DPP10: variants seen among roughly 807,000 people sequenced by gnomAD.
DPP10 encodes inactive dipeptidyl peptidase 10.
A neutral mutation model predicts 120.9 loss-of-function variants in DPP10; 33 were observed. The observed-to-expected ratio is 0.27, with a 90% CI of 0.21 to 0.37. The LOEUF (loss-of-function observed/expected upper bound fraction) is 0.37, where lower values mean the gene tolerates loss of function less well. DPP10 is among the 10% of genes least tolerant of loss of function. The probability of loss-of-function intolerance (pLI) is 1.00; values close to 1 mark genes in which losing one functional copy is unlikely to be tolerated. For missense variants in DPP10, 816 were observed against 942.8 expected, an observed-to-expected ratio of 0.87 and a Z score of 1.76; for synonymous variants, 337 against 326.1, an observed-to-expected ratio of 1.03 and a Z score of -0.36.
intron 1 of DPP10, among the ~76,000 whole-genome samples, chr2:114,798,833 A>C (rs567410468): frequency 1.9e-4 from 29 of 152,312 alleles, no homozygotes; most frequent in African/African-American, 6.5e-4. Context: ...AAAATAAAAA[A>C]GTTTATATTA....
At chr2:114,777,499 G>C (rs1414392854) in intron 1 of DPP10, among the ~76,000 whole-genome samples, 1 of 151,986 alleles carries the variant, frequency 6.6e-6, no homozygotes, top group Non-Finnish European at 1.5e-5. Flanking sequence ...CCCTATTTCA[G>C]TCCTTCATAT....
At chr2:115,293,607 A>G (rs910380484) in intron 1 of DPP10, among the ~76,000 whole-genome samples, 1 of 152,094 alleles carries the variant, frequency 6.6e-6, no homozygotes, top group Non-Finnish European at 1.5e-5. Context: ...GAATAAAAGA[A>G]ATTATGTTAA....
intron 11 of DPP10, among the ~76,000 whole-genome samples, chr2:115,757,931 T>G (rs1272743405): frequency 6.6e-6 from 1 of 152,082 alleles, no homozygotes; most frequent in Non-Finnish European, 1.5e-5. Context: ...AAGTACCCCC[T>G]TACTGAATGT....
intron 1 of DPP10, among the ~76,000 whole-genome samples, chr2:115,242,437 T>G (rs2058331022): frequency 6.6e-6 from 1 of 152,166 alleles, no homozygotes; most frequent in East Asian, 1.9e-4. Context: ...TCGTTCCATA[T>G]TTCTGCAATT....
At chr2:115,163,126 A>T (rs185355547) in intron 1 of DPP10, among the ~76,000 whole-genome samples, 1 of 152,096 alleles carries the variant, frequency 6.6e-6, no homozygotes, top group African/African-American at 2.4e-5. Flanking sequence ...CTCCCAGCTT[A>T]TTGCTAGCGT....
intron 1 of DPP10, among the ~76,000 whole-genome samples, chr2:114,511,360 G>C (rs1684132197): frequency 6.6e-6 from 1 of 152,166 alleles, no homozygotes; most frequent in African/African-American, 2.4e-5. Flanking sequence ...CAGGTAAAAA[G>C]TTTCATAATT....
chr2:115,043,175 T>G (rs1035766493), intron 1 of DPP10, among the ~76,000 whole-genome samples: 9 of 152,216 alleles, frequency 5.9e-5, no homozygotes, highest in Admixed American at 2.6e-4. Context: ...CTTCATGTGC[T>G]AATAGAGAAA....
intron 5 of DPP10, among the ~76,000 whole-genome samples, chr2:115,650,962 T>A (rs959719843): frequency 2.0e-5 from 3 of 151,988 alleles, no homozygotes; most frequent in Admixed American, 6.6e-5. Context: ...CCTCAAGTGA[T>A]CTCTCCTCTT....
chr2:114,467,429 C>T (rs764256202), intron 1 of DPP10, among the ~76,000 whole-genome samples: 3 of 152,120 alleles, frequency 2.0e-5, no homozygotes, highest in Non-Finnish European at 2.9e-5. Flanking sequence ...TATTTTCTGG[C>T]TTCTAAATGT....
chr2:115,636,612 GAGA>G (rs1368339013), intron 5 of DPP10, among the ~76,000 whole-genome samples: 1 of 151,980 alleles, frequency 6.6e-6, no homozygotes, highest in East Asian at 1.9e-4. Flanking sequence ...GAGAGAGTGA[GAGA>G]AGGAGAGAAG....
At chr2:115,416,936 G>A (rs1348702076) in intron 3 of DPP10, among the ~76,000 whole-genome samples, 2 of 152,124 alleles carry the variant, frequency 1.3e-5, no homozygotes, top group African/African-American at 4.8e-5. Flanking sequence ...TGCCAGAAGC[G>A]AGCATACCCC....
chr2:115,590,389 G>T lies in DPP10; in HGVS notation c.441+64417G>T, dbSNP rs542267462. Reference sequence around the variant, plus strand: ...GTGTCCAAGTGTTCTCATTGTTCAAGTCCCACCTATGAGTGAGAACATGCG... The same window carrying T: ...GTGTCCAAGTGTTCTCATTGTTCAATTCCCACCTATGAGTGAGAACATGCG... On this transcript the variant is annotated intron_variant, in intron 5 of 25. Coordinates refer to ENST00000410059, the MANE Select transcript of DPP10 (RefSeq NM_020868.6). Among the ~76,000 whole-genome samples, 36 of 151,994 alleles carry T rather than the reference G, an allele frequency of 2.4e-4. No homozygotes were observed. In the East Asian group the frequency reaches 3.3e-3, roughly 14 times the overall value.
chr2:115,411,655 C>T (rs2068966276), intron 3 of DPP10, among the ~76,000 whole-genome samples: 1 of 152,152 alleles, frequency 6.6e-6, no homozygotes, highest in Non-Finnish European at 1.5e-5. Flanking sequence ...CTTAGAAAGA[C>T]TTGGGGAGTA....
In DPP10 at chr2:115,511,731, CT is replaced by C. The variant is rs61236857; in HGVS notation, c.366+12141del. On this transcript the variant is annotated intron_variant, in intron 4 of 25. Transcript: ENST00000410059. The stretch of plus-strand genomic sequence containing the variant: ...TCTTCTTCTTCTTCTTCTTCTTCTT[CT>C]TTTTTTTTTTTTTGACACAGGGTCT... 5.8e-3 allele frequency among the ~76,000 whole-genome samples: 482 copies of C among 82,550 alleles called. 2 individuals carry two copies. The highest frequency in any genetic ancestry group is 0.019 in the African/African-American group (323 of 16,618). 54.2% of individuals were successfully genotyped at this position (82,550 alleles called of 152,430 possible). A position where few individuals can be genotyped will look rare whatever the true frequency, so the allele number is the denominator to read the frequency against.
intron 12 of DPP10, among the ~76,000 whole-genome samples, chr2:115,767,908 G>C (rs1350483397): frequency 6.6e-6 from 1 of 152,054 alleles, no homozygotes; most frequent in African/African-American, 2.4e-5. Context: ...GTAATTAAAA[G>C]ATTTATTTTG....
chr2:114,454,984 A>G (rs112586828), intron 1 of DPP10, among the ~76,000 whole-genome samples: 202 of 152,328 alleles, frequency 1.3e-3, no homozygotes, highest in African/African-American at 4.6e-3. Context: ...TGAGTGAGTG[A>G]AGGCCATCCA....
intron 1 of DPP10, among the ~76,000 whole-genome samples, chr2:114,984,441 A>AG (rs1312132439): frequency 1.4e-5 from 2 of 146,738 alleles, no homozygotes; most frequent in Admixed American, 1.5e-4. Context: ...TAAAAAAGGA[A>AG]AAAAAAAAAG....
chr2:115,484,929 T>C (rs915339292), intron 3 of DPP10, among the ~76,000 whole-genome samples: 1 of 152,030 alleles, frequency 6.6e-6, no homozygotes, highest in Non-Finnish European at 1.5e-5. Flanking sequence ...CATTAACTTG[T>C]ATATCGTGTC....
chr2:114,808,468 T>C (rs1007810779), intron 1 of DPP10, among the ~76,000 whole-genome samples: 1 of 151,924 alleles, frequency 6.6e-6, no homozygotes, highest in African/African-American at 2.4e-5. Context: ...AAAGTGATTA[T>C]ACCAATTTAC....
Sources: gnomAD v4.1 joint callset for allele counts (sites outside exome capture counted in the v4.1 genomes callset) on GRCh38, gnomAD v4.1.1 for gene constraint, MANE v1.5 for transcripts, NCBI Gene and HGNC (gene_info 2026-07-23, HGNC 2026-07-21) for gene names.